ATP6V1A: variants seen among roughly 807,000 people sequenced by gnomAD.
The protein encoded by ATP6V1A is V-type proton ATPase catalytic subunit A.
ATP6V1A carries 18 observed loss-of-function variants against 70.1 expected under a neutral mutation model. The observed-to-expected ratio is 0.26, with a 90% CI of 0.18 to 0.38. The LOEUF is 0.38. ATP6V1A is among the 10% of genes least tolerant of loss of function. The pLI, the probability that ATP6V1A is intolerant of heterozygous loss-of-function variation, is 1.00. For synonymous variants in ATP6V1A, 232 were observed against 253.8 expected, an observed-to-expected ratio of 0.91 and a Z score of 0.82; for missense variants, 424 against 772.4, an observed-to-expected ratio of 0.55 and a Z score of 5.35.
At chr3:113,761,028 C>T (rs920822208) in intron 1 of ATP6V1A, among the ~76,000 whole-genome samples, 1 of 151,266 alleles carries the variant, frequency 6.6e-6, no homozygotes, top group Non-Finnish European at 1.5e-5. Flanking sequence ...AATCGCGCCA[C>T]TGCACTCCAG....
intron 1 of ATP6V1A, among the ~76,000 whole-genome samples, chr3:113,772,119 G>A (rs1192287999): frequency 6.6e-6 from 1 of 152,212 alleles, no homozygotes; most frequent in East Asian, 1.9e-4. Context: ...TGTTGCTTGT[G>A]AGAGTATCCT....
chr3:113,756,479 A>G (rs893591459), intron 1 of ATP6V1A, among the ~76,000 whole-genome samples: 1 of 152,164 alleles, frequency 6.6e-6, no homozygotes, highest in Non-Finnish European at 1.5e-5. Flanking sequence ...GTAATTTGCC[A>G]AAATCTGCCA....
intron 13 of ATP6V1A, among the ~76,000 whole-genome samples, chr3:113,804,977 A>G (rs927837791): frequency 7.9e-5 from 12 of 152,200 alleles, no homozygotes; most frequent in African/African-American, 2.9e-4. Context: ...CAACTCAGTT[A>G]TTTTACCATT....
At chr3:113,792,835 T>C (rs1483555578) in intron 8 of ATP6V1A, among the ~76,000 whole-genome samples, 1 of 152,248 alleles carries the variant, frequency 6.6e-6, no homozygotes, top group Non-Finnish European at 1.5e-5. Context: ...GTTGAAAGAA[T>C]GTTACAGTGA....
In ATP6V1A at chr3:113,795,784, TA is replaced by T. The variant is rs1251111734; in HGVS notation, c.1227-85del. 42 of 1,000,334 alleles carry T rather than the reference TA, an allele frequency of 4.2e-5. No homozygotes were observed. In the East Asian group the frequency reaches 6.9e-4, roughly 16 times the overall value. The allele number at this position is 1,000,334 out of a possible 1,614,324, so 62.0% of individuals were successfully genotyped here. A position where few individuals can be genotyped will look rare whatever the true frequency, so the allele number is the denominator to read the frequency against. ...AAGTTATTTACATTAAAATCGACTT[TA>T]AAAAAAGTTAACATTTATATATATG... On this transcript the variant is annotated intron_variant, in intron 10 of 14. Coordinates refer to ENST00000273398, the MANE Select transcript of ATP6V1A (RefSeq NM_001690.4).
intron 3 of ATP6V1A, 56 bp from the exon 4 acceptor site, chr3:113,784,168 C>T (rs1577089673): frequency 6.7e-7 from 1 of 1,500,116 alleles, no homozygotes; most frequent in Non-Finnish European, 9.2e-7. Flanking sequence ...GTGGTATTTC[C>T]TGTTAATTGT....
At chr3:113,766,367 C>T (rs1364260034) in intron 1 of ATP6V1A, among the ~76,000 whole-genome samples, 1 of 152,140 alleles carries the variant, frequency 6.6e-6, no homozygotes, top group Admixed American at 6.6e-5. Flanking sequence ...GCGACCATGG[C>T]TCAGTGCAGC....
chr3:113,751,133 T>C (rs998433470), intron 1 of ATP6V1A, among the ~76,000 whole-genome samples: 11 of 152,106 alleles, frequency 7.2e-5, no homozygotes, highest in Non-Finnish European at 1.2e-4. Flanking sequence ...TTGTACAGAT[T>C]GTAGAGCAGG....
chr3:113,749,264 C>G (rs907432068), intron 1 of ATP6V1A, among the ~76,000 whole-genome samples: 4 of 10,008 alleles, frequency 4.0e-4, no homozygotes, highest in African/African-American at 1.9e-3. Context: ...ATACACAGAT[C>G]ACACACACAC....
At chr3:113,776,654 TG>T (rs1429478701) in intron 1 of ATP6V1A, among the ~76,000 whole-genome samples, 2 of 152,228 alleles carry the variant, frequency 1.3e-5, no homozygotes, top group African/African-American at 4.8e-5. Flanking sequence ...TTAAAGTAGT[TG>T]AACACCATTC....
At chr3:113,798,099 C>T in intron 11 of ATP6V1A, 144 bp from the exon 12 acceptor site, 1 of 798,312 alleles carries the variant, frequency 1.3e-6, no homozygotes, top group Non-Finnish European at 2.0e-6. Context: ...TGCCACTGCA[C>T]TCCAGCCTGG....
chr3:113,755,780 G>A (rs1315234114), intron 1 of ATP6V1A, among the ~76,000 whole-genome samples: 1 of 152,114 alleles, frequency 6.6e-6, no homozygotes, highest in Admixed American at 6.5e-5. Flanking sequence ...TCATACAAGT[G>A]TGTTTTCTCT....
chr3:113,811,272 A>C lies in ATP6V1A; in HGVS notation c.*1845A>C, dbSNP rs1709338886. On this transcript the variant is annotated 3_prime_UTR_variant, in exon 15 of 15. Transcript: ENST00000273398. The stretch of plus-strand genomic sequence containing the variant: ...TATCTCTTGGTCTATTAAGGAAAGA[A>C]GCAATCAGTAGAGAATTCAGGATAG... 6.6e-6 allele frequency: 1 copy of C among 152,506 alleles called. No homozygotes were observed. The highest frequency in any genetic ancestry group is 1.5e-5 in the Non-Finnish European group (1 of 68,044). The allele number at this position is 152,506 out of a possible 1,614,324, so 9.4% of individuals were successfully genotyped here.
chr3:113,774,405 A>T (rs1365314049), intron 1 of ATP6V1A, among the ~76,000 whole-genome samples: 3 of 152,180 alleles, frequency 2.0e-5, no homozygotes, highest in African/African-American at 7.2e-5. Context: ...CCTCACAAAA[A>T]CCCCATTAGA....
chr3:113,811,412 G>T lies in ATP6V1A; in HGVS notation c.*1985G>T, dbSNP rs1441542808. ...AGAACATTGACAGAAATTATGCAAT[G>T]GTTTGTTGAGATACGGACTTGATGG... On this transcript the variant is annotated 3_prime_UTR_variant, in exon 15 of 15. Transcript: ENST00000273398. 6.6e-6 allele frequency: 1 copy of T among 152,552 alleles called. No individual in the cohort carries two copies. Among genetic ancestry groups the T allele is most frequent in the East Asian group, 1.9e-4 (1 of 5,200 alleles). The allele number at this position is 152,552 out of a possible 1,614,324, so 9.4% of individuals were successfully genotyped here.
intron 1 of ATP6V1A, among the ~76,000 whole-genome samples, chr3:113,757,357 C>T (rs1470521056): frequency 6.6e-6 from 1 of 152,098 alleles, no homozygotes; most frequent in East Asian, 1.9e-4. Context: ...CTAATTCTAC[C>T]TCAGAGTAGT....
intron 10 of ATP6V1A, 36 bp from the exon 11 acceptor site, chr3:113,795,838 CAT>C: frequency 6.6e-7 from 1 of 1,518,528 alleles, no homozygotes; most frequent in Admixed American, 1.9e-5. Context: ...TTCTAATGAC[CAT>C]TTTTTTTGTA....
At chr3:113,804,278 C>T (rs1709251418) in intron 13 of ATP6V1A, among the ~76,000 whole-genome samples, 1 of 152,068 alleles carries the variant, frequency 6.6e-6, no homozygotes, top group African/African-American at 2.4e-5. Context: ...AGGCATGAGC[C>T]AACACGCCTG....
chr3:113,784,428 A>G lies in ATP6V1A; in HGVS notation c.416A>G (p.Lys139Arg), dbSNP rs550264040. ...ATCAAATGGGACTTTACACCTTGCA[A>G]AAACCTACGGGTATGTCTGTGTAAC... ...RDIKWDFTPCKNLRVGSHITG... is the reference protein window; with the variant it reads ...RDIKWDFTPCRNLRVGSHITG... The change falls in exon 4 of 15, where the codon AAA (lysine) becomes AGA (arginine). Residue 139 changes from lysine (K) to arginine (R), a missense_variant. This residue lies in a region of ATP6V1A where 139 missense variants were observed against 163.5 expected (regional missense o/e 0.85). Coordinates refer to ENST00000273398, the MANE Select transcript of ATP6V1A (RefSeq NM_001690.4). 333 of 1,611,262 alleles carry G rather than the reference A, an allele frequency of 2.1e-4. 5 individuals carry two copies. In the South Asian group the frequency reaches 3.2e-3, roughly 16 times the overall value.
Sources: allele counts gnomAD v4.1 joint callset (sites outside exome capture counted in the v4.1 genomes callset), GRCh38; gene constraint gnomAD v4.1.1; regional missense constraint gnomAD v4.1.1; transcripts MANE v1.5; gene names NCBI Gene and HGNC (gene_info 2026-07-23, HGNC 2026-07-21).